SDC4: variants seen among roughly 807,000 people sequenced by gnomAD.
SDC4 encodes syndecan 4.
In SDC4, 17 loss-of-function variants were observed where a neutral mutation model predicts 20.5. That is an observed-to-expected ratio of 0.83 (90% CI 0.57 to 1.25). The LOEUF is 1.25. Among genes scored for constraint, SDC4 ranks in the 50% most tolerant of loss-of-function variants. The pLI is 0.00. For missense variants in SDC4, 241 were observed against 252.3 expected, an observed-to-expected ratio of 0.96 and a Z score of 0.30; for synonymous variants, 107 against 105.3, an observed-to-expected ratio of 1.02 and a Z score of -0.10.
chr20:45,338,973 T>C (rs1179371787), intron 1 of SDC4, among the ~76,000 whole-genome samples: 1 of 152,130 alleles, frequency 6.6e-6, no homozygotes. Context: ...CCAGTGGTGA[T>C]AGGAGGACAC....
chr20:45,332,180 G>A (rs1188371879), intron 3 of SDC4, among the ~76,000 whole-genome samples: 2 of 147,690 alleles, frequency 1.4e-5, no homozygotes, highest in Admixed American at 6.7e-5. Flanking sequence ...TTTTTTTTGA[G>A]AGGGAGTCTC....
At chr20:45,336,155 G>A (rs1600731253) in intron 1 of SDC4, among the ~76,000 whole-genome samples, 1 of 152,232 alleles carries the variant, frequency 6.6e-6, no homozygotes, top group South Asian at 2.1e-4. Flanking sequence ...GCTCACACCT[G>A]TAATCCCAAC....
chr20:45,342,943 A>C (rs1050927822), intron 1 of SDC4, among the ~76,000 whole-genome samples: 3 of 152,208 alleles, frequency 2.0e-5, no homozygotes, highest in Non-Finnish European at 2.9e-5. Context: ...AAGTTTGCCA[A>C]ACAGCGATGA....
chr20:45,348,251 C>A, intron 1 of SDC4, 74 bp downstream of exon 1: 1 of 1,225,206 alleles, frequency 8.2e-7, no homozygotes, highest in Non-Finnish European at 1.2e-6. Context: ...CCCCATCCCA[C>A]GCTCCGACGA....
At chr20:45,344,828 G>A (rs1988008065) in intron 1 of SDC4, among the ~76,000 whole-genome samples, 1 of 152,142 alleles carries the variant, frequency 6.6e-6, no homozygotes, top group Non-Finnish European at 1.5e-5. Flanking sequence ...TTTTAGAGTT[G>A]GGGACACTGA....
At chr20:45,330,703 C>A (rs1055344061) in intron 3 of SDC4, 139 bp from the exon 4 acceptor site, 2 of 707,926 alleles carry the variant, frequency 2.8e-6, no homozygotes, top group Non-Finnish European at 4.7e-6. Context: ...CAGGAATTGG[C>A]AACACTGTCT....
intron 1 of SDC4, among the ~76,000 whole-genome samples, chr20:45,342,483 G>A (rs1987967898): frequency 6.6e-6 from 1 of 152,194 alleles, no homozygotes; most frequent in South Asian, 2.1e-4. Flanking sequence ...ACACATACCA[G>A]CCTCTCCCTG....
chr20:45,342,319 C>T (rs1987964424), intron 1 of SDC4, among the ~76,000 whole-genome samples: 1 of 152,190 alleles, frequency 6.6e-6, no homozygotes, highest in African/African-American at 2.4e-5. Flanking sequence ...CAGACGGCTC[C>T]GGCAGGGCTT....
intron 3 of SDC4, among the ~76,000 whole-genome samples, chr20:45,331,418 G>A (rs967225466): frequency 1.3e-5 from 2 of 152,102 alleles, no homozygotes; most frequent in South Asian, 4.2e-4. Context: ...CAAAAGGGAG[G>A]GGGAAAATGT....
chr20:45,342,407 G>C (rs955549608), intron 1 of SDC4, among the ~76,000 whole-genome samples: 2 of 152,210 alleles, frequency 1.3e-5, no homozygotes, highest in Non-Finnish European at 2.9e-5. Flanking sequence ...CCAGAGGCTA[G>C]AGTGACACCG....
rs1987930119 is a variant in SDC4, at chr20:45,339,870, G to A, written c.61-3950C>T. ...TCTTCCCCAGACTGTTGGGGAGAAA[G>A]AAGGGAGGGGAAGTGCTCTTTTGTT... On this transcript the variant is annotated intron_variant, in intron 1 of 4. Coordinates refer to ENST00000372733, the MANE Select transcript of SDC4 (RefSeq NM_002999.4). Among the ~76,000 whole-genome samples, 3 of 152,340 alleles carry A rather than the reference G, an allele frequency of 2.0e-5. No individual in the cohort carries two copies. The South Asian group carries it at 6.2e-4, about 32-fold the overall frequency.
At chr20:45,341,504 A>C (rs1987952117) in intron 1 of SDC4, among the ~76,000 whole-genome samples, 1 of 152,194 alleles carries the variant, frequency 6.6e-6, no homozygotes, top group African/African-American at 2.4e-5. Context: ...AATGACAGTG[A>C]CCAGAAACAC....
At chr20:45,331,098 T>C (rs1987770663) in intron 3 of SDC4, among the ~76,000 whole-genome samples, 1 of 152,172 alleles carries the variant, frequency 6.6e-6, no homozygotes, top group Admixed American at 6.5e-5. Flanking sequence ...TCCCTTGGGG[T>C]CTGGATCGGG....
At position 45,333,076 on chromosome 20, in the gene SDC4, G is replaced by A. The variant is rs773328021; in HGVS notation, c.200-7C>T. On this transcript the variant is annotated splice_polypyrimidine_tract_variant and splice_region_variant and intron_variant, in intron 2 of 4. Transcript: ENST00000372733. Reference sequence around the variant, plus strand: ...ATGGAGTCTTCCAAGTCATCTGTAAGGTCAGAATAGCTGTGTGAGTGAGGT... The same window carrying A: ...ATGGAGTCTTCCAAGTCATCTGTAAAGTCAGAATAGCTGTGTGAGTGAGGT... 2.5e-6 allele frequency: 4 copies of A among 1,614,090 alleles called. No homozygotes were observed. The highest frequency in any genetic ancestry group is 1.7e-6 in the Non-Finnish European group (2 of 1,179,940).
chr20:45,330,456 C>T lies in SDC4; in HGVS notation c.355G>A (p.Val119Ile), dbSNP rs202098356. 1.0e-4 allele frequency: 167 copies of T among 1,614,126 alleles called. No individual in the cohort carries two copies. Among genetic ancestry groups the T allele is most frequent in the Non-Finnish European group, 1.3e-4 (148 of 1,179,956 alleles). The change falls in exon 4 of 5, where the codon GTT becomes ATT. Residue 119 changes from valine to isoleucine, a missense_variant. Physicochemically the swap from Val to Ile is conservative, Grantham distance 29. Transcript: ENST00000372733. ...NEVIPKRISP[V>I]EESEDVSNKV... ...TTGGACACATCCTCACTCTCTTCAA[C>T]GGGTGAGATTCTCTTGGGGATAACC... is the stretch of plus-strand genomic sequence containing the variant.
At chr20:45,332,577 A>G (rs1467159897) in intron 3 of SDC4, among the ~76,000 whole-genome samples, 3 of 152,088 alleles carry the variant, frequency 2.0e-5, no homozygotes, top group African/African-American at 4.8e-5. Flanking sequence ...CTACAAAATG[A>G]GCCTGGGGCC....
At chr20:45,343,229 C>T (rs1987980289) in intron 1 of SDC4, among the ~76,000 whole-genome samples, 1 of 152,310 alleles carries the variant, frequency 6.6e-6, no homozygotes, top group African/African-American at 2.4e-5. Context: ...GAGACCCCAA[C>T]TGTTGACATA....
intron 4 of SDC4, 28 bp downstream of exon 4, chr20:45,330,338 G>A: frequency 6.2e-7 from 1 of 1,604,194 alleles, no homozygotes; most frequent in Non-Finnish European, 8.5e-7. Flanking sequence ...CACCTTCAAG[G>A]CATCTTATAA....
intron 2 of SDC4, among the ~76,000 whole-genome samples, chr20:45,335,313 G>A (rs1409359915): frequency 6.6e-6 from 1 of 152,062 alleles, no homozygotes; most frequent in East Asian, 1.9e-4. Flanking sequence ...AAGTAGCTGG[G>A]ACTCCTACAG....
Sources: gnomAD v4.1 joint callset for allele counts (sites outside exome capture counted in the v4.1 genomes callset) on GRCh38, gnomAD v4.1.1 for gene constraint, MANE v1.5 for transcripts, NCBI Gene and HGNC (gene_info 2026-07-23, HGNC 2026-07-21) for gene names.